Variants in PDSS1 observed in about 807,000 individuals in gnomAD.
PDSS1 encodes the protein all trans-polyprenyl-diphosphate synthase PDSS1.
PDSS1 carries 43 observed loss-of-function variants against 57.5 expected under a neutral mutation model. The observed-to-expected ratio is 0.75, with a 90% CI of 0.59 to 0.96. The LOEUF is 0.96. PDSS1 is among the 50% of genes least tolerant of loss of function. The pLI is 0.00. For synonymous variants in PDSS1, 175 were observed against 191.3 expected, an observed-to-expected ratio of 0.91 and a Z score of 0.70; for missense variants, 438 against 527.8, an observed-to-expected ratio of 0.83 and a Z score of 1.67.
rs12571799 is a variant in PDSS1, at chr10:26,702,207, A to G, written c.162+13A>G. On this transcript the variant is annotated intron_variant, in intron 2 of 11. Coordinates refer to ENST00000376215, the MANE Select transcript of PDSS1 (RefSeq NM_014317.5). The stretch of plus-strand genomic sequence containing the variant: ...TGACTTGTCTCAGGTAAGACTTTGG[A>G]CTTGGACTTTTGAGTTAATGCTAGA... The G allele has an allele frequency of 5.8e-3, 2,609 of 449,104 alleles. 105 individuals are homozygous for G. The East Asian group carries it at 0.12, about 20-fold the overall frequency. The allele number at this position is 449,104 out of a possible 1,614,324, so 27.8% of individuals were successfully genotyped here.
At chr10:26,729,587 T>C (rs115219309) in intron 8 of PDSS1, among the ~76,000 whole-genome samples, 1,866 of 152,306 alleles carry the variant, frequency 0.012, 29 homozygotes, top group African/African-American at 0.039. Context: ...GAATATACCA[T>C]AGGAGTTTAC....
chr10:26,720,517 A>G (rs1835749385), intron 6 of PDSS1, among the ~76,000 whole-genome samples, 158 bp downstream of exon 6: 1 of 152,240 alleles, frequency 6.6e-6, no homozygotes, highest in Admixed American at 6.5e-5. Context: ...CCAAATACAG[A>G]TATTTGATAA....
chr10:26,743,246 A>G (rs1308496940), intron 11 of PDSS1, among the ~76,000 whole-genome samples: 1 of 152,198 alleles, frequency 6.6e-6, no homozygotes, highest in East Asian at 1.9e-4. Flanking sequence ...AGTTTTGGTG[A>G]CTGACTCCTG....
rs1345939390 is a variant in PDSS1 at position 26,723,811 on chromosome 10, T to G, written c.615T>G (p.Val205=). The part of the protein sequence containing the change: ...VNKIWGEKKA[V]LAGDLILSAA... Reference sequence around the variant, plus strand: ...TTCCCCCTGTCTTTTTCTAGGCTGTTCTTGCTGGAGATTTAATTCTTTCTG... The same window carrying G: ...TTCCCCCTGTCTTTTTCTAGGCTGTGCTTGCTGGAGATTTAATTCTTTCTG... The change falls in exon 7 of 12, where the codon GTT becomes GTG. Residue 205 remains valine (V), a synonymous_variant. Transcript: ENST00000376215. 6.2e-7 allele frequency: 1 copy of G among 1,607,752 alleles called. No homozygotes were observed. Among genetic ancestry groups the G allele is most frequent in the Admixed American group, 1.7e-5 (1 of 60,016 alleles).
intron 6 of PDSS1, among the ~76,000 whole-genome samples, chr10:26,723,357 C>T (rs1320454262): frequency 2.0e-5 from 3 of 152,172 alleles, no homozygotes; most frequent in Non-Finnish European, 4.4e-5. Flanking sequence ...AAGGCAGCTG[C>T]ATTTTGGTGG....
intron 8 of PDSS1, among the ~76,000 whole-genome samples, chr10:26,731,349 TAATA>T (rs1461585859): frequency 7.9e-5 from 12 of 152,094 alleles, no homozygotes; most frequent in Non-Finnish European, 1.6e-4. Context: ...TCAAAAAAAT[TAATA>T]AATAAATAAT....
At chr10:26,707,562 TC>T (rs1383680860) in intron 4 of PDSS1, among the ~76,000 whole-genome samples, 1 of 152,118 alleles carries the variant, frequency 6.6e-6, no homozygotes, top group Non-Finnish European at 1.5e-5. Context: ...GAAACATGGT[TC>T]CCTTCACTCT....
At chr10:26,699,304 C>T (rs774642475) in intron 1 of PDSS1, among the ~76,000 whole-genome samples, 51 of 152,134 alleles carry the variant, frequency 3.4e-4, no homozygotes, top group Non-Finnish European at 4.3e-4. Context: ...TCTCTCCAGA[C>T]TTCAGATATT....
intron 5 of PDSS1, among the ~76,000 whole-genome samples, chr10:26,713,751 A>T (rs899950851): frequency 3.3e-5 from 5 of 152,146 alleles, no homozygotes; most frequent in African/African-American, 7.2e-5. Context: ...GTTGTGGTGG[A>T]TCCTGAGACT....
Position 26,720,362 on chromosome 10 carries a change from A to ATGGTTTTT in PDSS1, c.609+13_609+20dup. On this transcript the variant is annotated splice_donor_region_variant and intron_variant, in intron 6 of 11. Coordinates refer to ENST00000376215, the MANE Select transcript of PDSS1 (RefSeq NM_014317.5). ...ATAAGATCTGGGGTGAAAAGAAGGTATGGTTTTTTGGTTTTTTTAAAATCT... is the reference window on the plus strand; with the variant it reads ...ATAAGATCTGGGGTGAAAAGAAGGTATGGTTTTTTGGTTTTTTGGTTTTTTTAAAATCT... 1 of 1,604,722 alleles carries ATGGTTTTT rather than the reference A, an allele frequency of 6.2e-7. No homozygotes were observed. The highest frequency in any genetic ancestry group is 8.5e-7 in the Non-Finnish European group (1 of 1,171,410).
chr10:26,743,838 C>G (rs1836711568), intron 11 of PDSS1, among the ~76,000 whole-genome samples: 1 of 152,142 alleles, frequency 6.6e-6, no homozygotes, highest in East Asian at 1.9e-4. Context: ...ATAGACAACT[C>G]AGGGTTACAA....
chr10:26,697,739 C>T lies in PDSS1; in HGVS notation c.28C>T (p.Arg10Cys). The change falls in exon 1 of 12, where the codon CGC becomes TGC. Residue 10 changes from arginine to cysteine, a missense_variant. Physicochemically the swap from Arg to Cys is radical, Grantham distance 180. Coordinates refer to ENST00000376215, the MANE Select transcript of PDSS1 (RefSeq NM_014317.5). ...GGCCTCGCGCTGGTGGCGGTGGCGGCGCGGCTGCTCCTGGAAGCCGGCGGC... is the reference window on the plus strand; with the variant it reads ...GGCCTCGCGCTGGTGGCGGTGGCGGTGCGGCTGCTCCTGGAAGCCGGCGGC... Reference protein sequence around the residue: MASRWWRWRRGCSWKPAARS... With the variant: MASRWWRWRCGCSWKPAARS... 1 of 1,294,642 alleles carries T rather than the reference C, an allele frequency of 7.7e-7. No homozygotes were observed. The highest frequency in any genetic ancestry group is 9.7e-7 in the Non-Finnish European group (1 of 1,025,696). 80.2% of individuals were successfully genotyped at this position (1,294,642 alleles called of 1,614,324 possible).
intron 10 of PDSS1, among the ~76,000 whole-genome samples, chr10:26,740,400 C>A (rs1836550893): frequency 6.6e-6 from 1 of 152,100 alleles, no homozygotes; most frequent in East Asian, 1.9e-4. Flanking sequence ...CTTAAAAGAC[C>A]CAGTAACTAA....
At chr10:26,730,217 G>A (rs1332292353) in intron 8 of PDSS1, among the ~76,000 whole-genome samples, 1 of 151,770 alleles carries the variant, frequency 6.6e-6, no homozygotes, top group Non-Finnish European at 1.5e-5. Flanking sequence ...CAGCCTAGTT[G>A]GATTCATTTT....
chr10:26,728,598 CA>C (rs1836047079), intron 8 of PDSS1, among the ~76,000 whole-genome samples: 1 of 152,000 alleles, frequency 6.6e-6, no homozygotes, highest in Non-Finnish European at 1.5e-5. Flanking sequence ...TGATGGTTGT[CA>C]AATGGCTGTT....
intron 2 of PDSS1, among the ~76,000 whole-genome samples, chr10:26,702,487 G>A (rs1391806219): frequency 6.6e-6 from 1 of 152,156 alleles, no homozygotes; most frequent in Non-Finnish European, 1.5e-5. Context: ...TAAGTGATTG[G>A]TAGTTCCTTC....
intron 5 of PDSS1, among the ~76,000 whole-genome samples, chr10:26,713,727 G>A (rs117084431): frequency 6.6e-6 from 1 of 152,296 alleles, no homozygotes; most frequent in East Asian, 1.9e-4. Flanking sequence ...GACTTGACAT[G>A]TCCAGAACAC....
intron 6 of PDSS1, among the ~76,000 whole-genome samples, chr10:26,720,735 C>A (rs1384613350): frequency 6.6e-6 from 1 of 151,772 alleles, no homozygotes. Flanking sequence ...CCAAAGCAAA[C>A]AAATAAAACT....
intron 5 of PDSS1, among the ~76,000 whole-genome samples, chr10:26,716,690 CAAA>C: frequency 7.3e-6 from 1 of 137,864 alleles, no homozygotes; most frequent in East Asian, 2.1e-4. Context: ...GACTCCATCT[CAAA>C]AAAAAAAAAG....
Sources: allele counts gnomAD v4.1 joint callset (sites outside exome capture counted in the v4.1 genomes callset), GRCh38; gene constraint gnomAD v4.1.1; transcripts MANE v1.5; gene names NCBI Gene and HGNC (gene_info 2026-07-23, HGNC 2026-07-21).